SBK1: variants seen among roughly 807,000 people sequenced by gnomAD.
The protein encoded by SBK1 is SH3 domain binding kinase 1, also known as serine/threonine-protein kinase SBK1.
A neutral mutation model predicts 24.4 loss-of-function variants in SBK1; 11 were observed. The ratio of observed to expected loss-of-function variants is 0.45; its 90% CI spans 0.28 to 0.75. The LOEUF (loss-of-function observed/expected upper bound fraction) is 0.75. Ranked by LOEUF, SBK1 falls within the 30% of genes least tolerant of loss-of-function variation. The pLI is 0.12. For synonymous variants in SBK1, 308 were observed against 284.4 expected (o/e 1.08, Z -0.83); for missense variants, 467 against 620.5 (o/e 0.75, Z 2.63).
rs576355723 is a variant in SBK1, at chr16:28,281,435, A to G, written c.257+21933A>G. The stretch of plus-strand genomic sequence containing the variant: ...TCCCCGAGTCCCGGGACACCAGGAC[A>G]GTGCCCCTCCCAGGCAGCAACCCAG... On this transcript the variant is annotated intron_variant, in intron 1 of 3. Coordinates refer to the SBK1 transcript ENST00000671413. Among the ~76,000 whole-genome samples the G allele has an allele frequency of 3.3e-4, 50 of 152,260 alleles. 1 individual carries two copies. The highest frequency in any genetic ancestry group is 1.2e-3 in the African/African-American group (49 of 41,550).
intron 1 of SBK1, among the ~76,000 whole-genome samples, chr16:28,295,564 T>C (rs960839989): frequency 1.3e-5 from 2 of 151,980 alleles, no homozygotes; most frequent in Non-Finnish European, 2.9e-5. Context: ...GGGAACCAGG[T>C]TTGTCTTGTC....
chr16:28,268,414 T>A (rs1446259848), intron 1 of SBK1, among the ~76,000 whole-genome samples: 1 of 149,884 alleles, frequency 6.7e-6, no homozygotes. Context: ...GGCTAATTTT[T>A]AAAAATGGGT....
At chr16:28,282,159 G>A (rs2044536692) in intron 1 of SBK1, among the ~76,000 whole-genome samples, 1 of 152,126 alleles carries the variant, frequency 6.6e-6, no homozygotes, top group South Asian at 2.1e-4. Context: ...GGGGCTTAGT[G>A]AAAGTGACCT....
chr16:28,280,198 T>C (rs1482656492), intron 1 of SBK1, among the ~76,000 whole-genome samples: 1 of 134,424 alleles, frequency 7.4e-6, no homozygotes, highest in East Asian at 2.0e-4. Flanking sequence ...TATATGTACA[T>C]ATATGTATAT....
intron 1 of SBK1, among the ~76,000 whole-genome samples, chr16:28,281,134 T>A (rs1353545091): frequency 1.3e-5 from 2 of 152,046 alleles, no homozygotes; most frequent in East Asian, 3.9e-4. Flanking sequence ...CCTCCTTCCA[T>A]CCTGGCTGAG....
chr16:28,306,530 TG>T lies in SBK1; in HGVS notation c.-7-10854del, dbSNP rs1484244266. Among the ~76,000 whole-genome samples, 7 of 152,256 alleles carry T rather than the reference TG, an allele frequency of 4.6e-5. No individual in the cohort carries two copies. The East Asian group carries it at 1.4e-3, about 29-fold the overall frequency. ...GAGCAATGCAACAGACAAGTGGGAATGAGCCCACAAATCAGAGAGGCAGATA... is the reference window on the plus strand; with the variant it reads ...GAGCAATGCAACAGACAAGTGGGAATAGCCCACAAATCAGAGAGGCAGATA... On this transcript the variant is annotated intron_variant, in intron 1 of 3. Transcript: ENST00000341901.
chr16:28,278,247 G>C (rs564852871), intron 1 of SBK1, among the ~76,000 whole-genome samples: 1 of 152,210 alleles, frequency 6.6e-6, no homozygotes, highest in African/African-American at 2.4e-5. Flanking sequence ...GACTGAGATC[G>C]ACTTTGGGGC....
At position 28,321,171 on chromosome 16, in the gene SBK1, G is replaced by T; in HGVS notation, c.*250G>T. On this transcript the variant is annotated 3_prime_UTR_variant, in exon 4 of 4. Transcript: ENST00000341901. ...AGCCGCACAGACCCGAGAATTCGGA[G>T]GCCACCACACAACACACACACACAC... is the stretch of plus-strand genomic sequence containing the variant. 1 of 300,240 alleles carries T rather than the reference G, an allele frequency of 3.3e-6. No individual in the cohort carries two copies. Among genetic ancestry groups the T allele is most frequent in the Non-Finnish European group, 6.1e-6 (1 of 164,976 alleles). 18.6% of individuals were successfully genotyped at this position (300,240 alleles called of 1,614,324 possible).
chr16:28,315,915 A>G (rs2044792060), intron 1 of SBK1, among the ~76,000 whole-genome samples: 1 of 152,078 alleles, frequency 6.6e-6, no homozygotes, highest in Non-Finnish European at 1.5e-5. Flanking sequence ...ACAGGCGTGC[A>G]TCACCATGCC....
rs2044805837 is a variant in SBK1 at position 28,317,462 on chromosome 16, G to A, written c.71G>A (p.Gly24Glu). The change falls in exon 2 of 4, where the codon GGG becomes GAG. Residue 24 changes from glycine to glutamate, a missense_variant. By Grantham distance (98) the Gly-to-Glu change is moderately conservative (BLOSUM62 -2). Around this residue, in one of 4 missense-constraint regions of SBK1, gnomAD observed 123 missense variants for 158.2 expected, o/e 0.78. Transcript: ENST00000341901. The surrounding 1 kb of genome is among the most constrained non-coding windows in gnomAD (Gnocchi z 4.2). ...LTCCGPGTAP[G>E]PGAGVPLLTE... ...TGCTGTGGGCCGGGGACTGCCCCTGGGCCTGGTGCCGGTGTGCCCCTTCTC... is the reference window on the plus strand; with the variant it reads ...TGCTGTGGGCCGGGGACTGCCCCTGAGCCTGGTGCCGGTGTGCCCCTTCTC... 6.2e-7 allele frequency: 1 copy of A among 1,614,122 alleles called. No individual in the cohort carries two copies. The highest frequency in any genetic ancestry group is 8.5e-7 in the Non-Finnish European group (1 of 1,180,014).
rs1157604624 is a variant in SBK1, at chr16:28,322,924, C to T, written c.*2003C>T. 7.0e-5 allele frequency: 1 copy of T among 14,368 alleles called. No individual in the cohort carries two copies. The highest frequency in any genetic ancestry group is 2.2e-4 in the African/African-American group (1 of 4,470). 0.9% of individuals were successfully genotyped at this position (14,368 alleles called of 1,614,324 possible). On this transcript the variant is annotated 3_prime_UTR_variant, in exon 4 of 4. Coordinates refer to ENST00000341901, the MANE Select transcript of SBK1 (RefSeq NM_001024401.3). ...TCGCTCTCTCTCTCGCGCGCGCTCTCTCTCTCCCTCTCTCTCTCTCTCTCT... is the reference window on the plus strand; with the variant it reads ...TCGCTCTCTCTCTCGCGCGCGCTCTTTCTCTCCCTCTCTCTCTCTCTCTCT...
intron 1 of SBK1, among the ~76,000 whole-genome samples, chr16:28,260,663 C>A (rs976899440): frequency 1.3e-5 from 2 of 152,210 alleles, no homozygotes; most frequent in African/African-American, 4.8e-5. Flanking sequence ...ATGTTCCCTG[C>A]TATGGTTGTC....
At chr16:28,279,207 CAAAAA>C (rs34028427) in intron 1 of SBK1, among the ~76,000 whole-genome samples, 1 of 115,242 alleles carries the variant, frequency 8.7e-6, no homozygotes. Flanking sequence ...GAGACTCTGT[CAAAAA>C]AAAAAAAAAA....
chr16:28,300,154 G>C (rs1290753844), intron 1 of SBK1, among the ~76,000 whole-genome samples: 1 of 152,198 alleles, frequency 6.6e-6, no homozygotes. Flanking sequence ...CAGTTTGTTT[G>C]GTTCACGAAT....
intron 1 of SBK1, among the ~76,000 whole-genome samples, chr16:28,278,265 A>G (rs2044507398): frequency 6.6e-6 from 1 of 152,132 alleles, no homozygotes; most frequent in South Asian, 2.1e-4. Context: ...GGCAGGGGAG[A>G]GCAGGGGGAG....
At chr16:28,292,024 C>G (rs1360885340), upstream of SBK1, 1 of 152,174 alleles carries the variant, frequency 6.6e-6, no homozygotes, top group Non-Finnish European at 1.5e-5. Flanking sequence ...GAAGCGCAGG[C>G]AGGCAGGCGG....
intron 1 of SBK1, among the ~76,000 whole-genome samples, chr16:28,297,764 G>T (rs1388013199): frequency 6.6e-6 from 1 of 152,224 alleles, no homozygotes; most frequent in African/African-American, 2.4e-5. Context: ...CGGCAGGTGG[G>T]TGACTGAGCC....
chr16:28,303,507 C>CTTTTTTT (rs143613970), intron 1 of SBK1, among the ~76,000 whole-genome samples: 90 of 58,102 alleles, frequency 1.5e-3, no homozygotes, highest in African/African-American at 1.9e-3. Flanking sequence ...CTTTTCTTTT[C>CTTTTTTT]TTTTTTTTTT....
At chr16:28,299,341 G>C (rs1243232837) in intron 1 of SBK1, among the ~76,000 whole-genome samples, 1 of 152,206 alleles carries the variant, frequency 6.6e-6, no homozygotes, top group African/African-American at 2.4e-5. Context: ...GAAAGGGAAA[G>C]TTAGCCCCAT....
Sources: allele counts gnomAD v4.1 joint callset (sites outside exome capture counted in the v4.1 genomes callset), GRCh38; gene constraint gnomAD v4.1.1; regional missense constraint gnomAD v4.1.1; non-coding constraint Gnocchi (gnomAD v3.1); transcripts MANE v1.5; gene names NCBI Gene and HGNC (gene_info 2026-07-23, HGNC 2026-07-21).